The following ERC1 variants were observed in gnomAD, a reference collection of about 807,000 sequenced individuals.
The protein encoded by ERC1 is RAB6 interacting protein 2.
Under a neutral mutation model 132.0 loss-of-function variants are expected in ERC1, and 56 were observed. The ratio of observed to expected loss-of-function variants is 0.42; its 90% CI spans 0.34 to 0.53. The LOEUF is 0.53. Ranked by LOEUF, ERC1 falls within the 20% of genes least tolerant of loss-of-function variation. The pLI, the probability that ERC1 is intolerant of heterozygous loss-of-function variation, is 0.03. For missense variants in ERC1, 1,202 were observed against 1,349.9 expected, an observed-to-expected ratio of 0.89 and a Z score of 1.72; for synonymous variants, 478 against 476.1, an observed-to-expected ratio of 1.00 and a Z score of -0.05.
At chr12:1,449,103 C>T (rs189223437) in intron 18 of ERC1, among the ~76,000 whole-genome samples, 36 of 152,292 alleles carry the variant, frequency 2.4e-4, no homozygotes, top group African/African-American at 8.2e-4. Context: ...GTAGTCTCTT[C>T]GTTTTGGCCA....
At chr12:1,042,934 C>T (rs1970492714) in intron 2 of ERC1, among the ~76,000 whole-genome samples, 1 of 152,012 alleles carries the variant, frequency 6.6e-6, no homozygotes, top group Non-Finnish European at 1.5e-5. Flanking sequence ...TGAGTGTTTC[C>T]AGTCTTTCCT....
At chr12:1,149,333 C>A (rs1950638824) in intron 8 of ERC1, among the ~76,000 whole-genome samples, 1 of 151,934 alleles carries the variant, frequency 6.6e-6, no homozygotes, top group African/African-American at 2.4e-5. Context: ...TGTGTAGCAC[C>A]ATTGAGAGAA....
At chr12:1,097,094 C>CT (rs201580164) in intron 3 of ERC1, among the ~76,000 whole-genome samples, 1 of 152,052 alleles carries the variant, frequency 6.6e-6, no homozygotes, top group Admixed American at 6.6e-5. Context: ...TTAATTCCTC[C>CT]TTTTTTTTCT....
At chr12:1,417,286 C>T (rs138147150) in intron 17 of ERC1, among the ~76,000 whole-genome samples, 9 of 152,202 alleles carry the variant, frequency 5.9e-5, no homozygotes, top group South Asian at 2.1e-4. Flanking sequence ...AGAACTCTGC[C>T]GTCTGCTATT....
chr12:1,412,120 C>T (rs2091887817), intron 17 of ERC1, among the ~76,000 whole-genome samples: 1 of 152,186 alleles, frequency 6.6e-6, no homozygotes, highest in Non-Finnish European at 1.5e-5. Context: ...CTGTAAACCT[C>T]ATTATATCAT....
intron 15 of ERC1, among the ~76,000 whole-genome samples, chr12:1,299,264 A>G (rs1471728708): frequency 3.3e-5 from 5 of 152,220 alleles, no homozygotes; most frequent in Non-Finnish European, 5.9e-5. Context: ...GATACAGACC[A>G]TATGCTGGGC....
chr12:1,077,465 G>T (rs1941531609), intron 2 of ERC1, among the ~76,000 whole-genome samples: 1 of 152,174 alleles, frequency 6.6e-6, no homozygotes, highest in Non-Finnish European at 1.5e-5. Flanking sequence ...AGATAGTTAA[G>T]AATTTTCATT....
At chr12:1,452,333 G>A (rs2093442764) in intron 18 of ERC1, among the ~76,000 whole-genome samples, 1 of 152,146 alleles carries the variant, frequency 6.6e-6, no homozygotes, top group South Asian at 2.1e-4. Context: ...GATATACCAT[G>A]TTCTTTTTTC....
rs541567003 is a variant in ERC1 at position 1,059,276 on chromosome 12, G to A, written c.670-23888G>A. 3.3e-5 allele frequency among the ~76,000 whole-genome samples: 5 copies of A among 152,306 alleles called. No homozygotes were observed. In the South Asian group the frequency reaches 1.0e-3, roughly 32 times the overall value. ...TTCTAGATATAAGAACATGTTGTCTGCAAACAGGGACATTTGACTGCCTCT... is the reference window on the plus strand; with the variant it reads ...TTCTAGATATAAGAACATGTTGTCTACAAACAGGGACATTTGACTGCCTCT... On this transcript the variant is annotated intron_variant, in intron 2 of 18. Coordinates refer to ENST00000360905, the MANE Select transcript of ERC1 (RefSeq NM_178040.4).
At chr12:1,300,760 T>G (rs765333594) in intron 15 of ERC1, among the ~76,000 whole-genome samples, 45 of 152,224 alleles carry the variant, frequency 3.0e-4, no homozygotes, top group Non-Finnish European at 4.4e-4. Context: ...AGATACCATC[T>G]CATGCTAGTT....
intron 12 of ERC1, among the ~76,000 whole-genome samples, chr12:1,212,830 G>A (rs1024789350): frequency 1.3e-4 from 20 of 152,150 alleles, no homozygotes; most frequent in Non-Finnish European, 7.3e-5. Context: ...CCAGGGCACC[G>A]CTGGCTGGAG....
chr12:1,228,303 T>C (rs1419241932), intron 12 of ERC1, among the ~76,000 whole-genome samples: 3 of 62,560 alleles, frequency 4.8e-5, no homozygotes, highest in South Asian at 8.5e-4. Context: ...TGTATCTTTT[T>C]CAATTCCTTT....
At chr12:1,160,316 C>T (rs945995431) in intron 8 of ERC1, among the ~76,000 whole-genome samples, 1 of 152,198 alleles carries the variant, frequency 6.6e-6, no homozygotes, top group Middle Eastern at 3.2e-3. Flanking sequence ...CACAACAATT[C>T]TAAAAGCTTT....
At chr12:1,302,016 C>G (rs1273135348) in intron 15 of ERC1, among the ~76,000 whole-genome samples, 1 of 152,100 alleles carries the variant, frequency 6.6e-6, no homozygotes, top group Non-Finnish European at 1.5e-5. Context: ...AGAATTGTGA[C>G]CCTCCTGCCT....
chr12:1,426,663 C>T (rs1311374383), intron 17 of ERC1, among the ~76,000 whole-genome samples: 13 of 152,106 alleles, frequency 8.5e-5, no homozygotes, highest in Admixed American at 8.5e-4. Flanking sequence ...TACAGTAGTT[C>T]GTCTAGTGTG....
chr12:994,626 A>G (rs1296337686), intron 1 of ERC1, among the ~76,000 whole-genome samples: 2 of 152,230 alleles, frequency 1.3e-5, no homozygotes, highest in African/African-American at 2.4e-5. Flanking sequence ...GTTCACTAAC[A>G]TCATTTGAAG....
At position 1,444,743 on chromosome 12, in the gene ERC1, G is replaced by C. The variant is rs147268029; in HGVS notation, c.3206G>C (p.Arg1069Pro). Residue 1069 changes from arginine (R) to proline (P), a missense_variant, in exon 18 of 19, where the codon CGG (arginine) becomes CCG (proline). Arg to Pro is a moderately radical substitution (Grantham distance 103). Coordinates refer to ENST00000360905, the MANE Select transcript of ERC1 (RefSeq NM_178040.4). ...GAGAATGAGCTGCAGAAGATGACCCGGGGGCAGGTGAGCCTCTCACTCAAA... is the reference window on the plus strand; with the variant it reads ...GAGAATGAGCTGCAGAAGATGACCCCGGGGCAGGTGAGCCTCTCACTCAAA... ...AWENELQKMT[R>P]GQLQDELEKG... 4.3e-6 allele frequency: 7 copies of C among 1,612,904 alleles called. No homozygotes were observed. Among genetic ancestry groups the C allele is most frequent in the Admixed American group, 3.3e-5 (2 of 59,714 alleles).
rs1419288368 is a variant in ERC1 at position 1,493,023 on chromosome 12, CT to C, written c.*2794del. 1 of 225,250 alleles carries C rather than the reference CT, an allele frequency of 4.4e-6. No homozygotes were observed. Among genetic ancestry groups the C allele is most frequent in the Non-Finnish European group, 8.8e-6 (1 of 113,058 alleles). The allele number at this position is 225,250 out of a possible 1,614,324, so 14.0% of individuals were successfully genotyped here. ...TAGTTGCCCTTTAGCACCTAAAGATCTGCACCCCAAACCAATGTCACCATAA... is the reference window on the plus strand; with the variant it reads ...TAGTTGCCCTTTAGCACCTAAAGATCGCACCCCAAACCAATGTCACCATAA... On this transcript the variant is annotated 3_prime_UTR_variant, in exon 19 of 19. Coordinates refer to ENST00000360905, the MANE Select transcript of ERC1 (RefSeq NM_178040.4).
At chr12:1,329,524 A>G (rs1408578546) in intron 15 of ERC1, among the ~76,000 whole-genome samples, 1 of 151,756 alleles carries the variant, frequency 6.6e-6, no homozygotes, top group African/African-American at 2.4e-5. Context: ...TGAAAGCCTC[A>G]CGAGCAGCCT....
Sources: allele counts gnomAD v4.1 joint callset (sites outside exome capture counted in the v4.1 genomes callset), GRCh38; gene constraint gnomAD v4.1.1; transcripts MANE v1.5; gene names NCBI Gene and HGNC (gene_info 2026-07-23, HGNC 2026-07-21).